The following BRINP1 variants were observed in gnomAD, a reference collection of about 807,000 sequenced individuals.
BRINP1 encodes BMP/retinoic acid-inducible neural-specific protein 1.
BRINP1 carries 17 observed loss-of-function variants against 72.9 expected under a neutral mutation model. That is an observed-to-expected ratio of 0.23 (90% CI 0.16 to 0.35). The LOEUF (loss-of-function observed/expected upper bound fraction) is 0.35, where lower values mean the gene tolerates loss of function less well. BRINP1 is among the 10% of genes least tolerant of loss of function. The pLI, the probability that BRINP1 is intolerant of heterozygous loss-of-function variation, is 1.00. For missense variants in BRINP1, 850 were observed against 1,001.6 expected (o/e 0.85, Z 2.04); for synonymous variants, 418 against 378.5 (o/e 1.10, Z -1.21).
At chr9:119,175,528 AGGG>A (rs949154575) in intron 7 of BRINP1, among the ~76,000 whole-genome samples, 1 of 152,090 alleles carries the variant, frequency 6.6e-6, no homozygotes, top group Non-Finnish European at 1.5e-5. Context: ...AATAAAAAAA[AGGG>A]GGGGTTATTT....
intron 1 of BRINP1, among the ~76,000 whole-genome samples, chr9:119,335,571 T>G (rs151267367): frequency 1.3e-5 from 2 of 152,334 alleles, no homozygotes; most frequent in Non-Finnish European, 2.9e-5. Context: ...AGTGATTTGA[T>G]CAACAGGAAC....
In BRINP1 at chr9:119,353,855, T is replaced by A. The variant is rs996359458; in HGVS notation, c.-51+15201A>T. On this transcript the variant is annotated intron_variant, in intron 1 of 7. Transcript: ENST00000265922. ...TTTTTTTTTTTTTTTTTTTTTTTTTTACAATTTCACAGCCCACGGTGAGAT... is the reference window on the plus strand; with the variant it reads ...TTTTTTTTTTTTTTTTTTTTTTTTTAACAATTTCACAGCCCACGGTGAGAT... 3.0e-3 allele frequency among the ~76,000 whole-genome samples: 247 copies of A among 81,542 alleles called. 3 individuals are homozygous for A. The highest frequency in any genetic ancestry group is 5.6e-3 in the Non-Finnish European group (215 of 38,192). The allele number at this position is 81,542 out of a possible 152,430, so 53.5% of individuals were successfully genotyped here.
intron 2 of BRINP1, among the ~76,000 whole-genome samples, chr9:119,306,342 G>C (rs772312733): frequency 3.3e-5 from 5 of 152,192 alleles, no homozygotes; most frequent in Admixed American, 2.0e-4. Flanking sequence ...AGATGGCCCA[G>C]AAAAATGTTT....
At chr9:119,356,804 CAAA>C (rs61323149) in intron 1 of BRINP1, among the ~76,000 whole-genome samples, 1 of 115,208 alleles carries the variant, frequency 8.7e-6, no homozygotes, top group Non-Finnish European at 1.8e-5. Flanking sequence ...GGCTCCGTCT[CAAA>C]AAAAAAAAAA....
At chr9:119,168,695 G>T (rs935916622) in intron 7 of BRINP1, among the ~76,000 whole-genome samples, 1 of 118,458 alleles carries the variant, frequency 8.4e-6, no homozygotes, top group Non-Finnish European at 2.0e-5. Context: ...CCATGAGGGT[G>T]TATAACATCT....
chr9:119,220,638 GGAAA>G (rs1018679892), intron 5 of BRINP1, among the ~76,000 whole-genome samples: 1 of 152,106 alleles, frequency 6.6e-6, no homozygotes, highest in African/African-American at 2.4e-5. Flanking sequence ...TTCAAGAACG[GGAAA>G]GAAAGTCCTT....
At chr9:119,299,036 T>C (rs4837630) in intron 2 of BRINP1, among the ~76,000 whole-genome samples, 41,848 of 152,008 alleles carry the variant, frequency 0.28, 6,676 homozygotes, top group Non-Finnish European at 0.36. Flanking sequence ...AATTAATTAA[T>C]ATATGCATTA....
intron 2 of BRINP1, among the ~76,000 whole-genome samples, chr9:119,290,917 G>A (rs538744126): frequency 5.9e-5 from 9 of 152,136 alleles, no homozygotes; most frequent in Admixed American, 1.3e-4. Flanking sequence ...GAGGTCAGGA[G>A]TTTGAGACCA....
chr9:119,180,486 TGTG>T, intron 7 of BRINP1, among the ~76,000 whole-genome samples: 1 of 77,886 alleles, frequency 1.3e-5, no homozygotes, highest in East Asian at 2.3e-4. Flanking sequence ...TGCATGTGTG[TGTG>T]TGTGTGTGTG....
At chr9:119,326,329 C>CAA (rs1378897435) in intron 1 of BRINP1, among the ~76,000 whole-genome samples, 3 of 152,084 alleles carry the variant, frequency 2.0e-5, no homozygotes, top group Admixed American at 6.5e-5. Flanking sequence ...TGAACTACCA[C>CAA]AAATCAACTG....
chr9:119,286,632 T>C (rs1440244756), intron 2 of BRINP1, among the ~76,000 whole-genome samples: 1 of 152,180 alleles, frequency 6.6e-6, no homozygotes, highest in African/African-American at 2.4e-5. Flanking sequence ...ATATATGAAA[T>C]TTTGATGTAG....
intron 1 of BRINP1, among the ~76,000 whole-genome samples, chr9:119,318,134 C>T (rs1216886441): frequency 1.3e-5 from 2 of 152,292 alleles, no homozygotes; most frequent in Admixed American, 6.5e-5. Flanking sequence ...CTTTAGAAAA[C>T]TAGCTACTCT....
intron 7 of BRINP1, among the ~76,000 whole-genome samples, chr9:119,179,632 T>A (rs1359392016): frequency 2.0e-5 from 3 of 151,834 alleles, no homozygotes; most frequent in Non-Finnish European, 4.4e-5. Context: ...ATCAACCCCA[T>A]GAGATAGGAT....
At chr9:119,344,807 C>T (rs1831434957) in intron 1 of BRINP1, among the ~76,000 whole-genome samples, 2 of 152,216 alleles carry the variant, frequency 1.3e-5, no homozygotes, top group Non-Finnish European at 2.9e-5. Flanking sequence ...TGACCATCCT[C>T]TGCTCATGCC....
At chr9:119,189,989 G>T (rs1482588524) in intron 7 of BRINP1, among the ~76,000 whole-genome samples, 3 of 151,700 alleles carry the variant, frequency 2.0e-5, no homozygotes, top group African/African-American at 7.3e-5. Context: ...AACCACAATG[G>T]TATGAAACTA....
At chr9:119,182,298 G>GA (rs1308765532) in intron 7 of BRINP1, among the ~76,000 whole-genome samples, 5 of 152,120 alleles carry the variant, frequency 3.3e-5, no homozygotes, top group African/African-American at 1.2e-4. Flanking sequence ...CACCGTAAAA[G>GA]AAGATAATTG....
chr9:119,282,974 T>G, intron 2 of BRINP1: 2 of 985,370 alleles, frequency 2.0e-6, no homozygotes, highest in East Asian at 1.1e-4. Flanking sequence ...CTGCCAAAGT[T>G]ATCGCCCTCA....
At chr9:119,232,885 T>C (rs1351104606) in intron 5 of BRINP1, among the ~76,000 whole-genome samples, 1 of 152,050 alleles carries the variant, frequency 6.6e-6, no homozygotes, top group African/African-American at 2.4e-5. Context: ...AAGAGAAGTA[T>C]GAAAATAAGA....
chr9:119,254,399 A>C (rs1357979686), intron 2 of BRINP1, among the ~76,000 whole-genome samples: 1 of 152,112 alleles, frequency 6.6e-6, no homozygotes, highest in Non-Finnish European at 1.5e-5. Context: ...TGAGGGAGGG[A>C]CCATAGGGCC....
Sources: gnomAD v4.1 joint callset for allele counts (sites outside exome capture counted in the v4.1 genomes callset) on GRCh38, gnomAD v4.1.1 for gene constraint, MANE v1.5 for transcripts, NCBI Gene and HGNC (gene_info 2026-07-23, HGNC 2026-07-21) for gene names.